Variants in SOCS5 observed in about 807,000 individuals in gnomAD.
SOCS5 encodes CIS-6.
In SOCS5, 32 loss-of-function variants were observed where a neutral mutation model predicts 42.8. The observed-to-expected ratio is 0.75, with a 90% CI of 0.56 to 1.01. The LOEUF is 1.01. SOCS5 is among the 50% of genes least tolerant of loss of function. The pLI, the probability that SOCS5 is intolerant of heterozygous loss-of-function variation, is 0.00. For missense variants in SOCS5, 627 were observed against 653.0 expected, an observed-to-expected ratio of 0.96 and a Z score of 0.43; for synonymous variants, 283 against 229.6, an observed-to-expected ratio of 1.23 and a Z score of -2.10.
intron 1 of SOCS5, among the ~76,000 whole-genome samples, chr2:46,707,650 G>C (rs1181650005): frequency 1.3e-5 from 2 of 152,102 alleles, no homozygotes; most frequent in African/African-American, 2.4e-5. Flanking sequence ...TTTATAGATG[G>C]GAAGTAACAC....
At chr2:46,731,176 C>A (rs1477429422) in intron 1 of SOCS5, among the ~76,000 whole-genome samples, 1 of 152,106 alleles carries the variant, frequency 6.6e-6, no homozygotes, top group Non-Finnish European at 1.5e-5. Flanking sequence ...AACCTAATCC[C>A]CAGTGTGATT....
intron 1 of SOCS5, among the ~76,000 whole-genome samples, chr2:46,753,228 A>G (rs1673662956): frequency 6.6e-6 from 1 of 152,152 alleles, no homozygotes; most frequent in Non-Finnish European, 1.5e-5. Flanking sequence ...ATCCTTCAGG[A>G]TAAAATTTTG....
At chr2:46,735,151 G>C (rs1032247980) in intron 1 of SOCS5, among the ~76,000 whole-genome samples, 2 of 152,172 alleles carry the variant, frequency 1.3e-5, no homozygotes, top group African/African-American at 4.8e-5. Context: ...CTAAAAATGA[G>C]AATTTATTTC....
rs1330248793 is a variant in SOCS5 at position 46,699,766 on chromosome 2, G to T, written c.-13+317G>T. On this transcript the variant is annotated intron_variant, in intron 1 of 1. Transcript: ENST00000394861. The surrounding 1 kb of genome is among the most constrained non-coding windows in gnomAD (Gnocchi z 4.8). ...ACGTGGGGTTCCTAAGGGGAAGGGG[G>T]TCGTCCGGGGCCAGTAGGAGGGCAT... 6.6e-6 allele frequency among the ~76,000 whole-genome samples: 1 copy of T among 152,146 alleles called. No homozygotes were observed. Among genetic ancestry groups the T allele is most frequent in the Non-Finnish European group, 1.5e-5 (1 of 68,024 alleles).
At chr2:46,714,126 T>C (rs1014107503) in intron 1 of SOCS5, among the ~76,000 whole-genome samples, 5 of 152,336 alleles carry the variant, frequency 3.3e-5, no homozygotes, top group Admixed American at 6.5e-5. Flanking sequence ...ATTTTCCTGT[T>C]ACTAGGTGGG....
chr2:46,701,017 T>C (rs1317670920), intron 1 of SOCS5, among the ~76,000 whole-genome samples: 4 of 152,224 alleles, frequency 2.6e-5, no homozygotes, highest in Non-Finnish European at 2.9e-5. Flanking sequence ...ATATTTTCAG[T>C]TGGCACCTTC....
At chr2:46,746,191 G>A (rs1673491005) in intron 1 of SOCS5, among the ~76,000 whole-genome samples, 1 of 152,090 alleles carries the variant, frequency 6.6e-6, no homozygotes, top group Non-Finnish European at 1.5e-5. Context: ...CCTGTTAGGG[G>A]GCAGTGGAGA....
intron 1 of SOCS5, among the ~76,000 whole-genome samples, chr2:46,741,919 A>C (rs1371167875): frequency 2.6e-5 from 4 of 152,226 alleles, no homozygotes. Flanking sequence ...GAAGCCTTAG[A>C]TAGAAAGATG....
At chr2:46,700,092 G>T (rs967346595) in intron 1 of SOCS5, among the ~76,000 whole-genome samples, 8 of 152,146 alleles carry the variant, frequency 5.3e-5, no homozygotes, top group African/African-American at 1.9e-4. Context: ...TTTGATGTGG[G>T]GTTTGGGCAT....
At chr2:46,708,076 GGTGA>G (rs1672536798) in intron 1 of SOCS5, among the ~76,000 whole-genome samples, 1 of 152,204 alleles carries the variant, frequency 6.6e-6, no homozygotes, top group East Asian at 1.9e-4. Context: ...CACATGGCAA[GGTGA>G]GTGAATGAAG....
At position 46,758,876 on chromosome 2, in the gene SOCS5, C is replaced by T; in HGVS notation, c.346C>T (p.Arg116Ter). Residue 116 changes from arginine (R) to a stop codon, truncating the protein, a stop_gained, in exon 2 of 2, where the codon CGA becomes TGA. Transcript: ENST00000394861. LOFTEE classifies it high-confidence loss of function. ...ACTTGCACGAAGAGATTCCTACTCT[C>T]GACATGCTCCATGGGGTGGGAAGAA... Reference protein sequence around the residue: ...TRLARRDSYSRHAPWGGKKKH... With the variant: ...TRLARRDSYS 1.9e-6 allele frequency: 3 copies of T among 1,613,922 alleles called. No individual in the cohort carries two copies. The highest frequency in any genetic ancestry group is 2.2e-5 in the East Asian group (1 of 44,874).
At chr2:46,720,961 G>C (rs1030258674) in intron 1 of SOCS5, among the ~76,000 whole-genome samples, 3 of 152,144 alleles carry the variant, frequency 2.0e-5, no homozygotes, top group African/African-American at 7.2e-5. Context: ...GACATCCTGA[G>C]TGAGTCCGTT....
chr2:46,727,416 A>T (rs1397075425), intron 1 of SOCS5, among the ~76,000 whole-genome samples: 1 of 152,122 alleles, frequency 6.6e-6, no homozygotes, highest in Non-Finnish European at 1.5e-5. Context: ...GTAATTTTAG[A>T]TTGCATCCTG....
At chr2:46,730,692 C>A (rs1159504507) in intron 1 of SOCS5, among the ~76,000 whole-genome samples, 2 of 152,164 alleles carry the variant, frequency 1.3e-5, no homozygotes, top group African/African-American at 4.8e-5. Flanking sequence ...ATTTAATTTG[C>A]ATATTCCTAG....
chr2:46,752,720 C>T (rs1673650390), intron 1 of SOCS5, among the ~76,000 whole-genome samples: 1 of 152,156 alleles, frequency 6.6e-6, no homozygotes, highest in Admixed American at 6.5e-5. Flanking sequence ...TTATCATTTA[C>T]TTACATATCT....
At chr2:46,699,248 TGGGGGCCTGGC>T, upstream of SOCS5, 1 of 144,930 alleles carries the variant, frequency 6.9e-6, no homozygotes, top group African/African-American at 2.5e-5. The surrounding 1 kb of genome is among the most constrained non-coding windows in gnomAD (Gnocchi z 4.8). Context: ...GGGAAGGGGG[TGGGGGCCTGGC>T]GGGGGCATCC....
At chr2:46,713,992 CGTG>C (rs1295808812) in intron 1 of SOCS5, among the ~76,000 whole-genome samples, 2 of 151,940 alleles carry the variant, frequency 1.3e-5, no homozygotes, top group African/African-American at 4.8e-5. Flanking sequence ...CATTTAATGC[CGTG>C]GTGATCAGAG....
chr2:46,755,424 G>A (rs1673712060), intron 1 of SOCS5, among the ~76,000 whole-genome samples: 1 of 152,094 alleles, frequency 6.6e-6, no homozygotes, highest in Non-Finnish European at 1.5e-5. Flanking sequence ...CTTATGTAGT[G>A]ATAGAATTTG....
chr2:46,730,536 GT>G (rs1172474517), intron 1 of SOCS5, among the ~76,000 whole-genome samples: 3 of 152,168 alleles, frequency 2.0e-5, no homozygotes, highest in Non-Finnish European at 4.4e-5. Context: ...GGAGGCGGAG[GT>G]TGCAGTGAGC....
Sources: gnomAD v4.1 joint callset for allele counts (sites outside exome capture counted in the v4.1 genomes callset) on GRCh38, gnomAD v4.1.1 for gene constraint, Gnocchi (gnomAD v3.1) non-coding constraint, MANE v1.5 for transcripts, NCBI Gene and HGNC (gene_info 2026-07-23, HGNC 2026-07-21) for gene names.